The following BCLAF3 variants were observed in gnomAD, a reference collection of about 807,000 sequenced individuals.
The protein encoded by BCLAF3 is BCLAF1 and THRAP3 family member 3.
In BCLAF3, 24 loss-of-function variants were observed where a neutral mutation model predicts 51.2. The ratio of observed to expected loss-of-function variants is 0.47; its 90% CI spans 0.34 to 0.66. BCLAF3 has a LOEUF of 0.66. Ranked by LOEUF, BCLAF3 falls within the 30% of genes least tolerant of loss-of-function variation. BCLAF3 has a pLI of 0.01. For synonymous variants in BCLAF3, 152 were observed against 176.6 expected, an observed-to-expected ratio of 0.86 and a Z score of 1.10; for missense variants, 465 against 525.1, an observed-to-expected ratio of 0.89 and a Z score of 1.12.
At chrX:19,918,788 C>T (rs1427508182) in intron 11 of BCLAF3, among the ~76,000 whole-genome samples, 1 of 109,743 alleles carries the variant, frequency 9.1e-6, no homozygotes, top group Admixed American at 9.9e-5. Context: ...GATCCACCCA[C>T]CACAGCCTCC....
At chrX:19,959,435 G>A (rs1313422544) in intron 4 of BCLAF3, among the ~76,000 whole-genome samples, 1 of 111,233 alleles carries the variant, frequency 9.0e-6, no homozygotes, top group Non-Finnish European at 1.9e-5. Context: ...AAATGACTTG[G>A]TCAATTTGAA....
intron 8 of BCLAF3, among the ~76,000 whole-genome samples, chrX:19,937,951 C>A (rs1276551354): frequency 8.9e-6 from 1 of 111,738 alleles, no homozygotes; most frequent in African/African-American, 3.3e-5. Context: ...GGCTCATGAC[C>A]CAGCCCATTC....
At chrX:19,932,231 T>C in intron 10 of BCLAF3, among the ~76,000 whole-genome samples, 1 of 112,316 alleles carries the variant, frequency 8.9e-6, no homozygotes, top group Middle Eastern at 4.6e-3. Flanking sequence ...ATGTAAATGT[T>C]TCATCACAAA....
chrX:19,953,264 A>G (rs1200897819), intron 6 of BCLAF3, among the ~76,000 whole-genome samples: 3 of 111,284 alleles, frequency 2.7e-5, no homozygotes, highest in African/African-American at 9.8e-5. Context: ...TGGTTCTCAA[A>G]TCAGTAGTCT....
At position 19,990,981 on chromosome X, in the gene BCLAF3, G is replaced by A. The variant is rs1226657621; in HGVS notation, c.-108C>T. Among the ~76,000 whole-genome samples, 2 of 85,311 alleles carry A rather than the reference G, an allele frequency of 2.3e-5. No individual in the cohort carries two copies. Among genetic ancestry groups the A allele is most frequent in the Non-Finnish European group, 4.7e-5 (2 of 42,835 alleles). 74.1% of individuals were successfully genotyped at this position (85,311 alleles called of 115,157 possible). On this transcript the variant is annotated 5_prime_UTR_variant, in exon 1 of 12. Coordinates refer to ENST00000379682, the MANE Select transcript of BCLAF3 (RefSeq NM_001367774.2). The stretch of plus-strand genomic sequence containing the variant: ...CCGCCGCCGCCGCCGCCGGCCCCTC[G>A]GGCCTCGCCCCTCACTCTGCCGCCG...
intron 11 of BCLAF3, among the ~76,000 whole-genome samples, chrX:19,919,609 C>A (rs7880364): frequency 0.28 from 30,277 of 109,560 alleles, 4,622 homozygotes; most frequent in African/African-American, 0.58. Context: ...GTAATCCCAG[C>A]ACTTTGGGAG....
rs190074734 is a variant in BCLAF3 at position 19,934,708 on chromosome X, T to G, written c.1950+1101A>C. On this transcript the variant is annotated intron_variant, in intron 10 of 11. Transcript: ENST00000379682. ...TTTTCTGTTCATACTAACTTCCTCC[T>G]AATGAGCTAACTACTCTAACAAGCC... 4.7e-3 allele frequency among the ~76,000 whole-genome samples: 531 copies of G among 112,136 alleles called. 3 individuals are homozygous for G. Among genetic ancestry groups the G allele is most frequent in the African/African-American group, 0.017 (518 of 30,891 alleles).
chrX:19,978,484 G>A (rs768603806), intron 1 of BCLAF3, among the ~76,000 whole-genome samples: 2 of 112,340 alleles, frequency 1.8e-5, no homozygotes, highest in African/African-American at 6.5e-5. Flanking sequence ...GCCTGAAGAT[G>A]TGACTAAATT....
Position 19,951,976 on chromosome X carries a change from G to T in BCLAF3, c.1629+1012C>A, listed in dbSNP as rs1451649090. The stretch of plus-strand genomic sequence containing the variant: ...CATAAAAGGTCATAGCGAATTCAGA[G>T]ATTTTACATAAAAGGAATGTTATTA... On this transcript the variant is annotated intron_variant, in intron 7 of 11. Coordinates refer to ENST00000379682, the MANE Select transcript of BCLAF3 (RefSeq NM_001367774.2). Among the ~76,000 whole-genome samples, 4 of 111,486 alleles carry T rather than the reference G, an allele frequency of 3.6e-5. No homozygotes were observed. In the Admixed American group the frequency reaches 3.8e-4, roughly 11 times the overall value.
At chrX:19,919,455 G>A (rs1014583522) in intron 11 of BCLAF3, among the ~76,000 whole-genome samples, 2 of 112,028 alleles carry the variant, frequency 1.8e-5, no homozygotes, top group African/African-American at 3.2e-5. Context: ...GCTGAGGCAG[G>A]AGAATCACTT....
rs747342909 is a variant in BCLAF3 at position 19,919,651 on chromosome X, G to A, written c.2107-2317C>T. ...GTGGGCGGATCACTTGAGGCCAGGA[G>A]TTTGAGACCAGCCCGGACAACATGG... On this transcript the variant is annotated intron_variant, in intron 11 of 11. Transcript: ENST00000379682. Among the ~76,000 whole-genome samples, 4 of 110,690 alleles carry A rather than the reference G, an allele frequency of 3.6e-5. No homozygotes were observed. The South Asian group carries it at 1.5e-3, about 43-fold the overall frequency.
intron 1 of BCLAF3, among the ~76,000 whole-genome samples, chrX:19,971,524 A>G (rs1375223207): frequency 8.9e-6 from 1 of 112,856 alleles, no homozygotes; most frequent in South Asian, 3.6e-4. Context: ...TAAATTTTAA[A>G]AGGCACTTCT....
intron 1 of BCLAF3, among the ~76,000 whole-genome samples, chrX:19,973,790 C>T (rs929215291): frequency 2.7e-5 from 3 of 112,183 alleles, no homozygotes; most frequent in African/African-American, 9.7e-5. Flanking sequence ...GCAAAAGACT[C>T]CATTATCACA....
chrX:19,946,228 C>T (rs1324961195), intron 8 of BCLAF3, among the ~76,000 whole-genome samples: 2 of 111,564 alleles, frequency 1.8e-5, no homozygotes, highest in African/African-American at 6.5e-5. Flanking sequence ...AGAAATCACC[C>T]GTCTTCTGCG....
intron 3 of BCLAF3, 125 bp from the exon 4 acceptor site, chrX:19,965,831 T>C: frequency 2.7e-6 from 2 of 741,592 alleles, no homozygotes; most frequent in South Asian, 3.4e-5. Context: ...TATAACCCTT[T>C]AAGCCAATTC....
At position 19,965,104 on chromosome X, in the gene BCLAF3, T is replaced by TATC; in HGVS notation, c.1213_1214insGAT (p.Asn405delinsArgTyr). The TATC allele has an allele frequency of 8.4e-7, 1 of 1,194,593 alleles. No individual in the cohort carries two copies. Among genetic ancestry groups the TATC allele is most frequent in the East Asian group, 3.0e-5 (1 of 33,709 alleles). ...AACTGTAAGTGATTTCTTCCTAAGA[T>TATC]TGATAGGCGAGGGTTTCACATCAGG... is the stretch of plus-strand genomic sequence containing the variant. On this transcript the variant is annotated protein_altering_variant, in exon 4 of 12. Coordinates refer to ENST00000379682, the MANE Select transcript of BCLAF3 (RefSeq NM_001367774.2).
chrX:19,981,629 C>T (rs1192894953), intron 1 of BCLAF3, among the ~76,000 whole-genome samples: 1 of 111,778 alleles, frequency 8.9e-6, no homozygotes, highest in East Asian at 2.8e-4. Context: ...AACTTGTATA[C>T]AAATATCCAT....
At chrX:19,985,220 A>G (rs1488978057) in intron 1 of BCLAF3, 1 of 111,509 alleles carries the variant, frequency 9.0e-6, no homozygotes, top group East Asian at 2.8e-4. Context: ...TCATTGCACT[A>G]AACACAATTA....
At chrX:19,929,261 A>C (rs756975899) in intron 11 of BCLAF3, 5 of 112,024 alleles carry the variant, frequency 4.5e-5, no homozygotes, top group African/African-American at 1.6e-4. Flanking sequence ...AGCACTGTGA[A>C]TGAAATTAGT....
Sources: gnomAD v4.1 joint callset for allele counts (sites outside exome capture counted in the v4.1 genomes callset) on GRCh38, gnomAD v4.1.1 for gene constraint, MANE v1.5 for transcripts, NCBI Gene and HGNC (gene_info 2026-07-23, HGNC 2026-07-21) for gene names.